The following ATP2A3 variants were observed in gnomAD, a reference collection of about 807,000 sequenced individuals.
ATP2A3 encodes the protein ATPase sarcoplasmic/endoplasmic reticulum Ca2+ transporting 3, also known as sarcoplasmic/endoplasmic reticulum calcium ATPase 3.
ATP2A3 carries 61 observed loss-of-function variants against 106.8 expected under a neutral mutation model. The observed-to-expected ratio is 0.57, with a 90% CI of 0.46 to 0.71. The LOEUF (loss-of-function observed/expected upper bound fraction) is 0.71, where lower values mean the gene tolerates loss of function less well. ATP2A3 is among the 30% of genes least tolerant of loss of function. The pLI, the probability that ATP2A3 is intolerant of heterozygous loss-of-function variation, is 0.00. For missense variants in ATP2A3, 1,201 were observed against 1,423.5 expected, an observed-to-expected ratio of 0.84 and a Z score of 2.52; for synonymous variants, 611 against 609.3, an observed-to-expected ratio of 1.00 and a Z score of -0.04.
rs2054367257 is a variant in ATP2A3 at position 3,950,693 on chromosome 17, C to T, written c.544G>A (p.Gly182Ser). The change falls in exon 6 of 21, where the codon GGT becomes AGT. Residue 182 changes from glycine (G) to serine (S), a missense_variant and splice_region_variant. By Grantham distance (56) the Gly-to-Ser change is moderately conservative. Around this residue, in one of 2 missense-constraint regions of ATP2A3, gnomAD observed 935 missense variants for 1,176.7 expected, o/e 0.79. Coordinates refer to ENST00000397041, the MANE Select transcript of ATP2A3 (RefSeq NM_005173.4). ...TLRVDQSILT[G>S]ESVSVTKHTE... The stretch of plus-strand genomic sequence containing the variant: ...CCCGGCCTCCTGGGGGGGGCCTCAC[C>T]CGTCAGGATGGACTGGTCCACTCGC... 6.2e-7 allele frequency: 1 copy of T among 1,613,870 alleles called. No individual in the cohort carries two copies. Among genetic ancestry groups the T allele is most frequent in the Admixed American group, 1.7e-5 (1 of 59,988 alleles).
At position 3,928,239 on chromosome 17, in the gene ATP2A3, C is replaced by A. The variant is rs2052826523; in HGVS notation, c.2980+424G>T. The A allele has an allele frequency of 1.2e-6, 2 of 1,613,640 alleles. No homozygotes were observed. The highest frequency in any genetic ancestry group is 2.2e-5 in the East Asian group (1 of 44,884). On this transcript the variant is annotated intron_variant, in intron 20 of 20. Coordinates refer to ENST00000397041, the MANE Select transcript of ATP2A3 (RefSeq NM_005173.4). The surrounding 1 kb of genome is among the most constrained non-coding windows in gnomAD (Gnocchi z 6.1). ...CACAAGGTGATACCAAAGAGGCCAA[C>A]CCGGTGTGGTCTGGGGTCCAAGAGG...
At chr17:3,933,552 A>G in intron 17 of ATP2A3, among the ~76,000 whole-genome samples, 1 of 151,190 alleles carries the variant, frequency 6.6e-6, no homozygotes. Context: ...CCTGGCCAAC[A>G]TGGTGAAACC....
intron 5 of ATP2A3, 83 bp from the exon 6 acceptor site, chr17:3,950,856 G>T: frequency 7.4e-7 from 1 of 1,358,722 alleles, no homozygotes; most frequent in Non-Finnish European, 1.0e-6. Context: ...AGAACCCAAG[G>T]CTGGGGCTGG....
Position 3,928,134 on chromosome 17 carries a change from T to A in ATP2A3, c.2980+529A>T. The A allele has an allele frequency of 6.3e-7, 1 of 1,599,386 alleles. No homozygotes were observed. Among genetic ancestry groups the A allele is most frequent in the Non-Finnish European group, 8.6e-7 (1 of 1,167,016 alleles). On this transcript the variant is annotated intron_variant, in intron 20 of 20. Transcript: ENST00000397041. The surrounding 1 kb of genome is among the most constrained non-coding windows in gnomAD (Gnocchi z 6.1). ...GCCCACTTCTCTCCAGCCCGACACC[T>A]GCCATCCTGTCCTCTCCACTCCGGG...
At chr17:3,944,187 G>A (rs995674191) in intron 10 of ATP2A3, among the ~76,000 whole-genome samples, 2 of 152,194 alleles carry the variant, frequency 1.3e-5, no homozygotes, top group African/African-American at 4.8e-5. Context: ...GGAAGCCTCA[G>A]TGATCTTCTG....
chr17:3,956,850 G>A (rs138089783), intron 1 of ATP2A3, among the ~76,000 whole-genome samples: 260 of 152,270 alleles, frequency 1.7e-3, no homozygotes, highest in Middle Eastern at 3.4e-3. Flanking sequence ...CTCTCACCCC[G>A]CCCACCTGGG....
intron 14 of ATP2A3, 75 bp downstream of exon 14, chr17:3,940,896 T>C: frequency 2.0e-6 from 3 of 1,512,196 alleles, no homozygotes; most frequent in Non-Finnish European, 2.8e-6. Context: ...GAGGGGAGAG[T>C]TGCACGGCTT....
intron 7 of ATP2A3, among the ~76,000 whole-genome samples, chr17:3,948,993 TG>T (rs908301466): frequency 6.6e-6 from 1 of 151,934 alleles, no homozygotes; most frequent in African/African-American, 2.4e-5. Context: ...CTGGGCACGG[TG>T]GTGTGTGCTT....
Position 3,930,485 on chromosome 17 carries a change from G to C in ATP2A3, c.2611-51C>G, listed in dbSNP as rs778396748. ...AGAGCGGCAGGTCAGGCGAGGGGCT[G>C]GTGGGTGGGAGGAGGGAAGCCTCAT... On this transcript the variant is annotated intron_variant, in intron 17 of 20. Transcript: ENST00000397041. This position sits in a 1 kb window ranked among gnomAD's most constrained non-coding sequence, Gnocchi z 5.4. The C allele has an allele frequency of 1.2e-6, 2 of 1,609,258 alleles. No individual in the cohort carries two copies. Among genetic ancestry groups the C allele is most frequent in the African/African-American group, 2.7e-5 (2 of 75,040 alleles).
At position 3,951,300 on chromosome 17, in the gene ATP2A3, C is replaced by G. The variant is rs1406936376; in HGVS notation, c.414G>C (p.Gln138His). 4.3e-6 allele frequency: 7 copies of G among 1,613,926 alleles called. No homozygotes were observed. Among genetic ancestry groups the G allele is most frequent in the Non-Finnish European group, 5.9e-6 (7 of 1,180,026 alleles). Residue 138 changes from glutamine (Q) to histidine (H), a missense_variant, in exon 5 of 21, where the codon CAG becomes CAC. Coordinates refer to ENST00000397041, the MANE Select transcript of ATP2A3 (RefSeq NM_005173.4). ...GGACGATGTCCCGGGCACGGATCCT[C>G]TGCACGCCCTTGCGGTCCGAGCGGA... ...KVIRSDRKGV[Q>H]RIRARDIVPG...
chr17:3,963,564 A>G (rs963100255), intron 1 of ATP2A3, among the ~76,000 whole-genome samples: 2 of 151,824 alleles, frequency 1.3e-5, no homozygotes, highest in African/African-American at 4.8e-5. Flanking sequence ...TGAGGCCTTG[A>G]CTCCGCCACC....
At chr17:3,959,676 G>A (rs1350466198) in intron 1 of ATP2A3, among the ~76,000 whole-genome samples, 1 of 152,238 alleles carries the variant, frequency 6.6e-6, no homozygotes, top group African/African-American at 2.4e-5. Flanking sequence ...CAATTAAATC[G>A]TCACTTGCAG....
chr17:3,942,346 G>A (rs138250641), intron 12 of ATP2A3, among the ~76,000 whole-genome samples: 1 of 152,324 alleles, frequency 6.6e-6, no homozygotes, highest in African/African-American at 2.4e-5. Context: ...TCGGTTTTGG[G>A]AGCAGCAACG....
At chr17:3,961,792 C>T (rs1005193459) in intron 1 of ATP2A3, among the ~76,000 whole-genome samples, 5 of 152,176 alleles carry the variant, frequency 3.3e-5, no homozygotes, top group Non-Finnish European at 7.4e-5. Context: ...TCACTAAAGA[C>T]TCACAAACAA....
chr17:3,930,462 A>G lies in ATP2A3; in HGVS notation c.2611-28T>C, dbSNP rs757824255. On this transcript the variant is annotated intron_variant, in intron 17 of 20. Transcript: ENST00000397041. This position sits in a 1 kb window ranked among gnomAD's most constrained non-coding sequence, Gnocchi z 5.4. ...GGGGGCACCGTGGCAGGTCAGAGAG[A>G]GCGGCAGGTCAGGCGAGGGGCTGGT... 9 of 1,612,652 alleles carry G rather than the reference A, an allele frequency of 5.6e-6. No homozygotes were observed. The Admixed American group carries it at 1.3e-4, about 24-fold the overall frequency.
rs747731276 is a variant in ATP2A3 at position 3,951,365 on chromosome 17, C to G, written c.349G>C (p.Glu117Gln). The G allele has an allele frequency of 1.9e-6, 3 of 1,613,680 alleles. No homozygotes were observed. The highest frequency in any genetic ancestry group is 2.5e-6 in the Non-Finnish European group (3 of 1,180,032). Residue 117 changes from glutamate (E) to glutamine (Q), a missense_variant, in exon 5 of 21, where the codon GAG becomes CAG. Physicochemically the swap from Glu to Gln is conservative, Grantham distance 29. Around this residue, in one of 2 missense-constraint regions of ATP2A3, gnomAD observed 266 missense variants for 246.8 expected, o/e 1.08. Transcript: ENST00000397041. ...WQERNAESAI[E>Q]ALKEYEPEMG... ...TCAGGCTCATACTCCTTCAGGGCCTCGATGGCACTCTCGGCGTTGCGTTCC... is the reference window on the plus strand; with the variant it reads ...TCAGGCTCATACTCCTTCAGGGCCTGGATGGCACTCTCGGCGTTGCGTTCC...
At chr17:3,931,612 C>T (rs1236100666) in intron 17 of ATP2A3, among the ~76,000 whole-genome samples, 1 of 151,586 alleles carries the variant, frequency 6.6e-6, no homozygotes, top group African/African-American at 2.4e-5. Flanking sequence ...AGCTCCGCCT[C>T]CCGGGTTCAC....
At chr17:3,958,733 C>CAT in intron 1 of ATP2A3, among the ~76,000 whole-genome samples, 1 of 76,464 alleles carries the variant, frequency 1.3e-5, no homozygotes, top group Non-Finnish European at 2.5e-5. Flanking sequence ...TATATATACA[C>CAT]ATATATATAG....
At chr17:3,931,711 C>T (rs901423380) in intron 17 of ATP2A3, among the ~76,000 whole-genome samples, 3 of 152,042 alleles carry the variant, frequency 2.0e-5, no homozygotes, top group South Asian at 2.1e-4. Context: ...TTAGTGGAGA[C>T]GGGGTTTCAC....
Sources: allele counts gnomAD v4.1 joint callset (sites outside exome capture counted in the v4.1 genomes callset), GRCh38; gene constraint gnomAD v4.1.1; regional missense constraint gnomAD v4.1.1; non-coding constraint Gnocchi (gnomAD v3.1); transcripts MANE v1.5; gene names NCBI Gene and HGNC (gene_info 2026-07-23, HGNC 2026-07-21).